The following MYO5B variants were observed in gnomAD, a reference collection of about 807,000 sequenced individuals.
MYO5B encodes unconventional myosin-Vb.
Under a neutral mutation model 229.3 loss-of-function variants are expected in MYO5B, and 143 were observed. That is an observed-to-expected ratio of 0.62 (90% CI 0.54 to 0.72). The LOEUF is 0.72. Ranked by LOEUF, MYO5B falls within the 30% of genes least tolerant of loss-of-function variation. MYO5B has a pLI of 0.00. For missense variants in MYO5B, 2,321 were observed against 2,331.0 expected (o/e 1.00, Z 0.09); for synonymous variants, 918 against 885.2 (o/e 1.04, Z -0.66).
intron 1 of MYO5B, among the ~76,000 whole-genome samples, chr18:50,105,734 T>G (rs1056615745): frequency 3.9e-5 from 6 of 152,062 alleles, no homozygotes; most frequent in Non-Finnish European, 5.9e-5. Context: ...AGAAAACCAC[T>G]GCTCTAGAAC....
At chr18:49,882,343 C>T (rs574643758) in intron 22 of MYO5B, among the ~76,000 whole-genome samples, 1 of 54,772 alleles carries the variant, frequency 1.8e-5, no homozygotes, top group South Asian at 5.5e-4. Flanking sequence ...AATGGAAACC[C>T]GGCCAGGTAC....
chr18:50,105,287 G>A (rs550408836), intron 1 of MYO5B, among the ~76,000 whole-genome samples: 1 of 152,212 alleles, frequency 6.6e-6, no homozygotes, highest in South Asian at 2.1e-4. Flanking sequence ...TGGTACTGGA[G>A]CTGGGTGGAC....
In MYO5B at chr18:50,122,457, A is replaced by AAAAAAAAAC. The variant is rs1475848770; in HGVS notation, c.28-67080_28-67079insGTTTTTTTT. 2.7e-3 allele frequency among the ~76,000 whole-genome samples: 401 copies of AAAAAAAAAC among 146,436 alleles called. 10 individuals are homozygous for AAAAAAAAAC. Among genetic ancestry groups the AAAAAAAAAC allele is most frequent in the African/African-American group, 0.01 (389 of 38,886 alleles). On this transcript the variant is annotated intron_variant, in intron 1 of 39. Transcript: ENST00000285039. ...TCTCAACTAAAAAAAAAAAAAAAAA[A>AAAAAAAAAC]AAAATCAGCCAGGTGTGGTGGCAGG... is the stretch of plus-strand genomic sequence containing the variant.
intron 4 of MYO5B, among the ~76,000 whole-genome samples, chr18:50,015,521 A>AT (rs993051151): frequency 2.6e-4 from 40 of 152,280 alleles, no homozygotes; most frequent in Non-Finnish European, 4.6e-4. Context: ...AAAAGGTGAA[A>AT]TTTTTTAAGT....
intron 1 of MYO5B, among the ~76,000 whole-genome samples, chr18:50,156,712 G>A (rs1022766056): frequency 1.3e-5 from 2 of 152,148 alleles, no homozygotes; most frequent in Non-Finnish European, 2.9e-5. Context: ...GTACAAAAAA[G>A]CATAAAGGTA....
chr18:49,860,337 T>C (rs1017716415), intron 29 of MYO5B, among the ~76,000 whole-genome samples: 1 of 152,142 alleles, frequency 6.6e-6, no homozygotes, highest in African/African-American at 2.4e-5. Flanking sequence ...TTCTCCCATA[T>C]ACAGCCCTGA....
chr18:49,837,408 A>G (rs934762553), intron 37 of MYO5B, 109 bp downstream of exon 37: 20 of 1,346,070 alleles, frequency 1.5e-5, no homozygotes, highest in Non-Finnish European at 2.0e-5. Flanking sequence ...AAGGACTGTC[A>G]ATTAGATTTG....
At chr18:49,899,463 C>T (rs2024816731) in intron 21 of MYO5B, among the ~76,000 whole-genome samples, 1 of 152,148 alleles carries the variant, frequency 6.6e-6, no homozygotes, top group African/African-American at 2.4e-5. Context: ...GAGCATGAAC[C>T]CAAACTAAGG....
At chr18:50,126,845 C>T (rs985068340) in intron 1 of MYO5B, among the ~76,000 whole-genome samples, 1 of 152,192 alleles carries the variant, frequency 6.6e-6, no homozygotes, top group Non-Finnish European at 1.5e-5. Context: ...GGCTCTGTAA[C>T]CTTGGGCAAG....
chr18:49,953,010 C>A (rs2025445965), intron 14 of MYO5B, among the ~76,000 whole-genome samples: 1 of 152,028 alleles, frequency 6.6e-6, no homozygotes, highest in East Asian at 1.9e-4. Flanking sequence ...CAGTTTTCTC[C>A]CCCTACCCCT....
chr18:49,890,020 T>A (rs1014633362), intron 22 of MYO5B, among the ~76,000 whole-genome samples: 3 of 152,238 alleles, frequency 2.0e-5, no homozygotes, highest in Non-Finnish European at 2.9e-5. Flanking sequence ...TTTTCTTGCT[T>A]GCCTAAACAA....
intron 22 of MYO5B, 56 bp from the exon 23 acceptor site, chr18:49,880,511 C>T (rs2024574846): frequency 7.3e-7 from 1 of 1,378,328 alleles, no homozygotes; most frequent in Non-Finnish European, 1.0e-6. Flanking sequence ...AGGAGAGGCT[C>T]CTCTTGTGGG....
chr18:50,133,963 A>T (rs1324381529), intron 1 of MYO5B, among the ~76,000 whole-genome samples: 1 of 152,234 alleles, frequency 6.6e-6, no homozygotes, highest in East Asian at 1.9e-4. Flanking sequence ...TGCCTTATGT[A>T]TAAGAAAAGA....
At chr18:50,116,268 C>A (rs991135818) in intron 1 of MYO5B, among the ~76,000 whole-genome samples, 2 of 152,122 alleles carry the variant, frequency 1.3e-5, no homozygotes, top group Non-Finnish European at 2.9e-5. Context: ...GCAGTATAGG[C>A]GGAGTACTTG....
intron 1 of MYO5B, among the ~76,000 whole-genome samples, chr18:50,174,685 C>T (rs2032970792): frequency 6.6e-6 from 1 of 152,176 alleles, no homozygotes; most frequent in Non-Finnish European, 1.5e-5. Flanking sequence ...CCTTCAAGGC[C>T]ACCTCTCCTT....
At chr18:49,952,932 C>A (rs931824006) in intron 14 of MYO5B, among the ~76,000 whole-genome samples, 3 of 151,902 alleles carry the variant, frequency 2.0e-5, no homozygotes, top group Admixed American at 6.6e-5. Flanking sequence ...TCCATCACTG[C>A]GCTCACCGTC....
At chr18:50,194,607 A>C (rs1268570209) in intron 1 of MYO5B, among the ~76,000 whole-genome samples, 160 bp downstream of exon 1, 1 of 152,050 alleles carries the variant, frequency 6.6e-6, no homozygotes, top group Non-Finnish European at 1.5e-5. Context: ...CGCCAACCGA[A>C]GTTAGGGACT....
chr18:49,848,038 G>A (rs2024152342), intron 32 of MYO5B, among the ~76,000 whole-genome samples: 1 of 152,258 alleles, frequency 6.6e-6, no homozygotes, highest in South Asian at 2.1e-4. Context: ...CCATGGTAGA[G>A]GGACAGTGGG....
At chr18:49,883,709 A>T (rs1368563600) in intron 22 of MYO5B, among the ~76,000 whole-genome samples, 1 of 152,230 alleles carries the variant, frequency 6.6e-6, no homozygotes, top group Non-Finnish European at 1.5e-5. Context: ...GAATAATCAC[A>T]CTTCTAAATT....
Sources: allele counts gnomAD v4.1 joint callset (sites outside exome capture counted in the v4.1 genomes callset), GRCh38; gene constraint gnomAD v4.1.1; transcripts MANE v1.5; gene names NCBI Gene and HGNC (gene_info 2026-07-23, HGNC 2026-07-21).